Variants in CCDC192 observed in about 807,000 individuals in gnomAD.
The protein encoded by CCDC192 is coiled-coil domain-containing protein 192.
At chr5:127,772,924 A>G (rs144352010) in intron 3 of CCDC192, among the ~76,000 whole-genome samples, 93 of 152,308 alleles carry the variant, frequency 6.1e-4, no homozygotes, top group African/African-American at 2.0e-3. Flanking sequence ...TGGGAAGGTG[A>G]GGGAATAGCT....
At chr5:127,730,618 A>G (rs1166444807) in intron 2 of CCDC192, among the ~76,000 whole-genome samples, 2 of 152,210 alleles carry the variant, frequency 1.3e-5, no homozygotes, top group African/African-American at 2.4e-5. Flanking sequence ...AAAAATCCTC[A>G]ATAAAATACT....
At chr5:127,858,777 A>G (rs75754626) in intron 5 of CCDC192, among the ~76,000 whole-genome samples, 2 of 152,248 alleles carry the variant, frequency 1.3e-5, no homozygotes, top group East Asian at 3.8e-4. Context: ...TTGCACAGCT[A>G]GAAAAATGGA....
intron 2 of CCDC192, among the ~76,000 whole-genome samples, chr5:127,724,041 T>C (rs1383162280): frequency 6.6e-6 from 1 of 152,186 alleles, no homozygotes; most frequent in Admixed American, 6.5e-5. Flanking sequence ...CTTCAAGAAG[T>C]TGATTGAATG....
In CCDC192 at chr5:127,776,606, C is replaced by T. The variant is rs545612369; in HGVS notation, c.223-20497C>T. On this transcript the variant is annotated intron_variant, in intron 3 of 6. Transcript: ENST00000514853. ...CATCAAGATGTTGGAGAAAATGTCT[C>T]CAGGGCATATCCAAGGTCTTCACAG... Among the ~76,000 whole-genome samples the T allele has an allele frequency of 1.6e-4, 25 of 152,324 alleles. No individual in the cohort carries two copies. In the South Asian group the frequency reaches 4.8e-3, roughly 29 times the overall value.
At chr5:127,925,937 T>C (rs892512776) in intron 6 of CCDC192, among the ~76,000 whole-genome samples, 79 of 152,290 alleles carry the variant, frequency 5.2e-4, no homozygotes, top group African/African-American at 1.8e-3. Flanking sequence ...AGGCATTTAA[T>C]TGAGCAATGA....
intron 6 of CCDC192, among the ~76,000 whole-genome samples, chr5:127,884,215 C>G (rs560885231): frequency 6.6e-6 from 1 of 151,384 alleles, no homozygotes; most frequent in African/African-American, 2.4e-5. Flanking sequence ...TGGTGGCGGG[C>G]GCCTGTAGTC....
intron 6 of CCDC192, among the ~76,000 whole-genome samples, chr5:127,908,742 T>A (rs1420144858): frequency 6.6e-6 from 1 of 152,226 alleles, no homozygotes; most frequent in East Asian, 1.9e-4. Flanking sequence ...TGTGGGAGGC[T>A]GAGGGTTACT....
intron 3 of CCDC192, among the ~76,000 whole-genome samples, chr5:127,777,664 T>C (rs571803096): frequency 2.6e-4 from 39 of 152,296 alleles, no homozygotes; most frequent in Admixed American, 2.6e-3. Flanking sequence ...GTCCCACATG[T>C]TGTGGGAGGA....
At chr5:127,820,688 T>C (rs1040593394) in intron 5 of CCDC192, among the ~76,000 whole-genome samples, 6 of 152,202 alleles carry the variant, frequency 3.9e-5, no homozygotes, top group African/African-American at 1.2e-4. Flanking sequence ...CTCTATAACA[T>C]AGAAAAACAC....
At chr5:127,752,696 G>A (rs1754275548) in intron 2 of CCDC192, among the ~76,000 whole-genome samples, 1 of 152,360 alleles carries the variant, frequency 6.6e-6, no homozygotes, top group African/African-American at 2.4e-5. Flanking sequence ...GCAATGGCGG[G>A]CGCCCCTCCC....
At chr5:127,843,029 G>GTTTTTTTTTTTTTTT (rs11428874) in intron 5 of CCDC192, among the ~76,000 whole-genome samples, 1 of 91,766 alleles carries the variant, frequency 1.1e-5, no homozygotes. Context: ...TTTTAGTCAA[G>GTTTTTTTTTTTTTTT]TTTTTTTTTT....
At chr5:127,924,691 A>C (rs955679659) in intron 6 of CCDC192, among the ~76,000 whole-genome samples, 2 of 152,198 alleles carry the variant, frequency 1.3e-5, no homozygotes, top group Non-Finnish European at 2.9e-5. Context: ...GTGGTTGAAA[A>C]GTGGCCTGCA....
chr5:127,782,658 A>G (rs1756299661), intron 3 of CCDC192, among the ~76,000 whole-genome samples: 1 of 151,962 alleles, frequency 6.6e-6, no homozygotes, highest in South Asian at 2.1e-4. Context: ...GTCAGCTGTA[A>G]TATCTCCCAT....
At chr5:127,794,064 C>G (rs997267389) in intron 3 of CCDC192, among the ~76,000 whole-genome samples, 24 of 152,166 alleles carry the variant, frequency 1.6e-4, no homozygotes, top group African/African-American at 5.6e-4. Context: ...GTAGCATTCG[C>G]GTCTGGTCGG....
At chr5:127,717,928 C>CAAAAAA in intron 2 of CCDC192, among the ~76,000 whole-genome samples, 47 of 97,766 alleles carry the variant, frequency 4.8e-4, no homozygotes, top group East Asian at 1.2e-3. Context: ...TAAAGCTAGA[C>CAAAAAA]AAAAAAAAAA....
chr5:127,775,913 C>T (rs780508357), intron 3 of CCDC192, among the ~76,000 whole-genome samples: 18 of 152,150 alleles, frequency 1.2e-4, no homozygotes, highest in Non-Finnish European at 1.9e-4. Flanking sequence ...TCTTCTGCCA[C>T]GATTGTGAGG....
At chr5:127,723,295 T>C (rs191608430) in intron 2 of CCDC192, among the ~76,000 whole-genome samples, 348 of 152,276 alleles carry the variant, frequency 2.3e-3, no homozygotes, top group African/African-American at 6.4e-3. Context: ...CTGATTTTTG[T>C]ATGTTGATTT....
intron 2 of CCDC192, among the ~76,000 whole-genome samples, chr5:127,735,663 C>T (rs1282373183): frequency 6.2e-5 from 8 of 129,902 alleles, no homozygotes; most frequent in African/African-American, 2.8e-4. Flanking sequence ...AAGTTGGATT[C>T]CTAGGTATTT....
At chr5:127,795,759 A>C (rs986286627) in intron 3 of CCDC192, among the ~76,000 whole-genome samples, 1 of 151,920 alleles carries the variant, frequency 6.6e-6, no homozygotes, top group Non-Finnish European at 1.5e-5. Flanking sequence ...TTTTGTACAA[A>C]ATTGAGATTT....
Sources: gnomAD v4.1 joint callset for allele counts (sites outside exome capture counted in the v4.1 genomes callset) on GRCh38, gnomAD v4.1.1 for gene constraint, MANE v1.5 for transcripts, NCBI Gene and HGNC (gene_info 2026-07-23, HGNC 2026-07-21) for gene names.